Variants in FGF12 observed in about 807,000 individuals in gnomAD.
FGF12 encodes the protein fibroblast growth factor 12, also known as fibroblast growth factor 12B.
FGF12 carries 14 observed loss-of-function variants against 23.6 expected under a neutral mutation model. That is an observed-to-expected ratio of 0.59 (90% confidence interval 0.39 to 0.93). FGF12 has a LOEUF of 0.93. Among genes scored for constraint, FGF12 ranks in the 40% least tolerant of loss-of-function variants. The pLI is 0.00. For missense variants in FGF12, 175 were observed against 217.8 expected, an observed-to-expected ratio of 0.80 and a Z score of 1.24; for synonymous variants, 62 against 77.3, an observed-to-expected ratio of 0.80 and a Z score of 1.04.
intron 2 of FGF12, among the ~76,000 whole-genome samples, chr3:192,644,064 C>T (rs537493168): frequency 1.1e-4 from 16 of 152,314 alleles, no homozygotes; most frequent in African/African-American, 3.6e-4. Context: ...AAGCGACTTA[C>T]GCAGCATTAA....
At chr3:192,479,524 A>G (rs1723420969) in intron 2 of FGF12, among the ~76,000 whole-genome samples, 1 of 142,978 alleles carries the variant, frequency 7.0e-6, no homozygotes, top group Non-Finnish European at 1.5e-5. Context: ...TGATAAATGG[A>G]AAAAAAAAGT....
At chr3:192,223,400 T>A (rs752012694) in intron 4 of FGF12, among the ~76,000 whole-genome samples, 1 of 152,168 alleles carries the variant, frequency 6.6e-6, no homozygotes, top group Non-Finnish European at 1.5e-5. Flanking sequence ...GAGTTGTTCC[T>A]GAAATAAAAT....
chr3:192,353,737 A>C (rs1718334792), intron 3 of FGF12, among the ~76,000 whole-genome samples: 1 of 152,220 alleles, frequency 6.6e-6, no homozygotes, highest in African/African-American at 2.4e-5. Context: ...AAGGCTGAAG[A>C]ATCTGGAGGA....
At chr3:192,585,647 G>C (rs963936900) in intron 2 of FGF12, among the ~76,000 whole-genome samples, 9 of 151,984 alleles carry the variant, frequency 5.9e-5, no homozygotes, top group Non-Finnish European at 1.0e-4. Flanking sequence ...GAGGGGTTGC[G>C]TGACATTTCC....
In FGF12 at chr3:192,435,626, G is replaced by C. The variant is rs1474842524; in HGVS notation, c.14-75088C>G. 1.3e-5 allele frequency among the ~76,000 whole-genome samples: 2 copies of C among 152,060 alleles called. 1 individual carries two copies. On this transcript the variant is annotated intron_variant, in intron 2 of 5. Transcript: ENST00000445105. ...CTCCTGGGCCTTACTTTTCTCCTCT[G>C]TACCTAGTAACTTCCTTAGGTCTTT...
chr3:192,404,331 G>A (rs1311342558), intron 2 of FGF12, among the ~76,000 whole-genome samples: 1 of 152,090 alleles, frequency 6.6e-6, no homozygotes, highest in Non-Finnish European at 1.5e-5. Flanking sequence ...TCCAAGGTTC[G>A]TGGCCACTCA....
intron 4 of FGF12, among the ~76,000 whole-genome samples, chr3:192,327,936 T>C (rs1716903774): frequency 6.6e-6 from 1 of 152,218 alleles, no homozygotes; most frequent in Non-Finnish European, 1.5e-5. Context: ...TTTTAAGTGC[T>C]ATTCTCCTAG....
intron 4 of FGF12, among the ~76,000 whole-genome samples, chr3:192,241,545 CAG>C (rs1237582545): frequency 3.3e-5 from 5 of 151,978 alleles, no homozygotes; most frequent in African/African-American, 1.2e-4. Flanking sequence ...TTTGAAGAAA[CAG>C]GGGATTTAGG....
chr3:192,435,025 A>G (rs1055493852), intron 2 of FGF12, among the ~76,000 whole-genome samples: 1 of 152,108 alleles, frequency 6.6e-6, no homozygotes, highest in African/African-American at 2.4e-5. Context: ...CATTTTCACA[A>G]TTATTCCATC....
chr3:192,177,628 G>A (rs1252899427), intron 4 of FGF12, among the ~76,000 whole-genome samples: 1 of 152,156 alleles, frequency 6.6e-6, no homozygotes, highest in Non-Finnish European at 1.5e-5. Flanking sequence ...TAACCCATGG[G>A]TGAATGTACA....
chr3:192,364,351 T>C (rs1718876471), intron 2 of FGF12, among the ~76,000 whole-genome samples: 1 of 151,398 alleles, frequency 6.6e-6, no homozygotes, highest in South Asian at 2.1e-4. Context: ...TTACTGTTTT[T>C]CTTTTTCTTA....
chr3:192,494,604 A>T (rs1353720705), intron 2 of FGF12, among the ~76,000 whole-genome samples: 1 of 152,174 alleles, frequency 6.6e-6, no homozygotes, highest in Non-Finnish European at 1.5e-5. Flanking sequence ...CTTGAAAATC[A>T]TGATTCCCAA....
intron 2 of FGF12, among the ~76,000 whole-genome samples, chr3:192,586,949 A>G (rs1375764969): frequency 6.6e-6 from 1 of 152,204 alleles, no homozygotes; most frequent in Non-Finnish European, 1.5e-5. Context: ...GTGTCTCTAC[A>G]TTATAAACCT....
chr3:192,688,827 T>C (rs961641485), intron 2 of FGF12, among the ~76,000 whole-genome samples: 1 of 152,064 alleles, frequency 6.6e-6, no homozygotes, highest in East Asian at 1.9e-4. Context: ...AGCAAAAACA[T>C]GGAATCAACC....
chr3:192,599,988 C>G (rs1418250352), intron 2 of FGF12, among the ~76,000 whole-genome samples: 1 of 151,906 alleles, frequency 6.6e-6, no homozygotes, highest in Non-Finnish European at 1.5e-5. Flanking sequence ...ATTGTTTTCT[C>G]TATGTTTTCT....
intron 2 of FGF12, among the ~76,000 whole-genome samples, chr3:192,366,181 G>A (rs1045035266): frequency 2.0e-5 from 3 of 152,064 alleles, no homozygotes; most frequent in African/African-American, 7.2e-5. Flanking sequence ...GAAGGGAGAA[G>A]AGAGGAGAGA....
At position 192,172,691 on chromosome 3, in the gene FGF12, G is replaced by A. The variant is rs1436081152; in HGVS notation, c.229-2035C>T. Among the ~76,000 whole-genome samples, 7 of 150,154 alleles carry A rather than the reference G, an allele frequency of 4.7e-5. 1 individual carries two copies. The highest frequency in any genetic ancestry group is 1.0e-4 in the Non-Finnish European group (7 of 67,276). ...ACTGCAACTCACATACATTGCTGGT[G>A]GAAATGTAAAATTATGCAGAAGCTG... On this transcript the variant is annotated intron_variant, in intron 4 of 5. Transcript: ENST00000445105.
intron 2 of FGF12, among the ~76,000 whole-genome samples, chr3:192,423,321 T>C (rs1024770566): frequency 2.0e-5 from 3 of 152,178 alleles, no homozygotes; most frequent in Non-Finnish European, 4.4e-5. Context: ...CAACCTCTGA[T>C]TTTCTTTTTG....
intron 2 of FGF12, among the ~76,000 whole-genome samples, chr3:192,544,782 C>G (rs188516447): frequency 2.0e-4 from 31 of 152,260 alleles, no homozygotes; most frequent in African/African-American, 7.0e-4. Context: ...TTTAGACTCT[C>G]ATTCCAGGTC....
Sources: gnomAD v4.1 joint callset for allele counts (sites outside exome capture counted in the v4.1 genomes callset) on GRCh38, gnomAD v4.1.1 for gene constraint, MANE v1.5 for transcripts, NCBI Gene and HGNC (gene_info 2026-07-23, HGNC 2026-07-21) for gene names.